Variants in GPR89B observed in about 807,000 individuals in gnomAD.
GPR89B encodes G protein-coupled receptor 89B.
GPR89B carries 25 observed loss-of-function variants against 52.4 expected under a neutral mutation model. The ratio of observed to expected loss-of-function variants is 0.48; its 90% CI spans 0.35 to 0.67. GPR89B has a LOEUF of 0.67. Ranked by LOEUF, GPR89B falls within the 30% of genes least tolerant of loss-of-function variation. The pLI is 0.01. For missense variants in GPR89B, 146 were observed against 450.2 expected (o/e 0.32, Z 6.11); for synonymous variants, 52 against 151.2 (o/e 0.34, Z 4.81).
intron 11 of GPR89B, among the ~76,000 whole-genome samples, chr1:147,988,072 G>T (rs1256693737): frequency 6.6e-6 from 1 of 151,912 alleles, no homozygotes; most frequent in Non-Finnish European, 1.5e-5. Flanking sequence ...GGTACTTGCT[G>T]CCGGGCATGG....
chr1:147,942,082 C>T (rs1264061759), intron 3 of GPR89B, among the ~76,000 whole-genome samples: 3 of 151,258 alleles, frequency 2.0e-5, no homozygotes, highest in Admixed American at 6.6e-5. Context: ...GACTGGGACT[C>T]GTATCTAGAA....
intron 12 of GPR89B, among the ~76,000 whole-genome samples, chr1:147,990,172 G>A (rs1353724740): frequency 2.0e-5 from 3 of 152,146 alleles, no homozygotes; most frequent in African/African-American, 7.2e-5. Context: ...GGTGTGTGAT[G>A]GTATCTCATT....
chr1:147,999,308 C>T, the GPR89B span, among the ~76,000 whole-genome samples: 1 of 151,606 alleles, frequency 6.6e-6, no homozygotes, highest in Non-Finnish European at 1.5e-5. Flanking sequence ...CCATAGGACA[C>T]CTTAAAAAAA....
At position 147,978,366 on chromosome 1, in the gene GPR89B, G is replaced by A. The variant is rs1327342897; in HGVS notation, c.910-7833G>A. 5.9e-5 allele frequency among the ~76,000 whole-genome samples: 9 copies of A among 151,970 alleles called. 1 individual carries two copies. Among genetic ancestry groups the A allele is most frequent in the Middle Eastern group, 3.4e-3 (1 of 294 alleles). ...AACAGCAAAGATGGCTGCTTGCTCCGTCCTCTGGGAGGAAGCACTGACCTG... is the reference window on the plus strand; with the variant it reads ...AACAGCAAAGATGGCTGCTTGCTCCATCCTCTGGGAGGAAGCACTGACCTG... On this transcript the variant is annotated intron_variant, in intron 10 of 13. Transcript: ENST00000314163.
At chr1:147,988,216 G>A (rs1280170939) in intron 11 of GPR89B, among the ~76,000 whole-genome samples, 101 of 151,814 alleles carry the variant, frequency 6.7e-4, no homozygotes, top group Middle Eastern at 6.8e-3. Flanking sequence ...TAATTTTAAG[G>A]TTTAATTAAG....
At chr1:147,993,665 A>C (rs1362022590), downstream of GPR89B, 1 of 152,838 alleles carries the variant, frequency 6.5e-6, no homozygotes, top group Non-Finnish European at 1.5e-5. Context: ...AACTGGGGGA[A>C]TAAGTCACTT....
intron 1 of GPR89B, among the ~76,000 whole-genome samples, chr1:147,932,155 C>CGTGG (rs1653686586): frequency 6.6e-6 from 1 of 151,880 alleles, no homozygotes; most frequent in Non-Finnish European, 1.5e-5. Flanking sequence ...TGTCTTCAGT[C>CGTGG]GTGGCTTCAT....
intron 7 of GPR89B, among the ~76,000 whole-genome samples, chr1:147,963,268 C>T (rs1337235284): frequency 6.7e-6 from 1 of 149,554 alleles, no homozygotes; most frequent in Non-Finnish European, 1.5e-5. Flanking sequence ...CCCAACTACT[C>T]GGGAGGCTGA....
At chr1:147,932,085 T>G (rs1223395743) in intron 1 of GPR89B, among the ~76,000 whole-genome samples, 2 of 152,220 alleles carry the variant, frequency 1.3e-5, no homozygotes, top group African/African-American at 4.8e-5. Flanking sequence ...GTGATTTTTT[T>G]TTTTAATCAT....
chr1:148,015,520 T>G, the GPR89B span, among the ~76,000 whole-genome samples: 1 of 146,012 alleles, frequency 6.8e-6, no homozygotes, highest in East Asian at 2.0e-4. Context: ...TTCATCATGT[T>G]GGCCAGGATG....
intron 5 of GPR89B, among the ~76,000 whole-genome samples, chr1:147,944,640 G>C (rs1214757171): frequency 7.9e-6 from 1 of 126,410 alleles, no homozygotes; most frequent in Non-Finnish European, 1.7e-5. Flanking sequence ...ACAATTAGTA[G>C]ATAAAGAAAA....
chr1:147,945,456 C>T (rs1188102151), intron 5 of GPR89B, among the ~76,000 whole-genome samples: 13 of 152,052 alleles, frequency 8.5e-5, no homozygotes, highest in Admixed American at 1.3e-4. Flanking sequence ...GCAGGAATTT[C>T]GAGAGAGAGA....
chr1:148,017,231 CA>C, the GPR89B span, among the ~76,000 whole-genome samples: 6 of 151,264 alleles, frequency 4.0e-5, no homozygotes, highest in Admixed American at 1.3e-4. Flanking sequence ...TTAGTAGAGA[CA>C]GGGGTTTCAC....
chr1:147,947,231 G>A (rs1277985914), intron 5 of GPR89B, among the ~76,000 whole-genome samples: 3 of 151,956 alleles, frequency 2.0e-5, no homozygotes, highest in African/African-American at 2.4e-5. Context: ...GCTACTCCCC[G>A]GAGGCCGGAG....
chr1:147,947,061 A>C (rs1403340104), intron 5 of GPR89B, among the ~76,000 whole-genome samples: 1 of 151,958 alleles, frequency 6.6e-6, no homozygotes, highest in Non-Finnish European at 1.5e-5. Context: ...TGGGCTGGGC[A>C]GGTTGGCTCA....
At chr1:148,025,721 GGT>G in the GPR89B span, 1 of 138,500 alleles carries the variant, frequency 7.2e-6, no homozygotes, top group East Asian at 2.1e-4. Context: ...TGGTCAGAAT[GGT>G]GTCCATATAA....
intron 10 of GPR89B, among the ~76,000 whole-genome samples, chr1:147,979,200 G>C (rs1463004174): frequency 1.3e-5 from 2 of 152,046 alleles, no homozygotes; most frequent in South Asian, 4.1e-4. Context: ...CCCAATGAGA[G>C]AACCTGGTTA....
At chr1:147,936,060 C>G (rs1448386860) in intron 1 of GPR89B, among the ~76,000 whole-genome samples, 1 of 152,262 alleles carries the variant, frequency 6.6e-6, no homozygotes, top group Non-Finnish European at 1.5e-5. Context: ...CTCTATCACC[C>G]AGGCTGGAAT....
chr1:148,017,693 G>A, the GPR89B span, among the ~76,000 whole-genome samples: 10 of 149,856 alleles, frequency 6.7e-5, no homozygotes, highest in East Asian at 6.0e-4. Flanking sequence ...AGCCAAGATC[G>A]GGCCACTGCA....
Sources: allele counts gnomAD v4.1 joint callset (sites outside exome capture counted in the v4.1 genomes callset), GRCh38; gene constraint gnomAD v4.1.1; transcripts MANE v1.5; gene names NCBI Gene and HGNC (gene_info 2026-07-23, HGNC 2026-07-21).